Variants in HABP4 observed in about 807,000 individuals in gnomAD.
The protein encoded by HABP4 is hyaluronan binding protein 4, also known as intracellular hyaluronan-binding protein 4.
HABP4 carries 32 observed loss-of-function variants against 44.1 expected under a neutral mutation model. That is an observed-to-expected ratio of 0.73 (90% CI 0.55 to 0.97). The LOEUF (loss-of-function observed/expected upper bound fraction) is 0.97. Ranked by LOEUF, HABP4 falls within the 50% of genes least tolerant of loss-of-function variation. The pLI is 0.00. For missense variants in HABP4, 503 were observed against 561.9 expected, an observed-to-expected ratio of 0.90 and a Z score of 1.06; for synonymous variants, 216 against 218.0, an observed-to-expected ratio of 0.99 and a Z score of 0.08.
chr9:96,462,028 C>G (rs1288420279), intron 2 of HABP4, among the ~76,000 whole-genome samples: 1 of 151,778 alleles, frequency 6.6e-6, no homozygotes, highest in Non-Finnish European at 1.5e-5. Flanking sequence ...CGCCTGTAAT[C>G]CCAGCTACTC....
Position 96,490,885 on chromosome 9 carries a change from A to C in HABP4, c.*847A>C, listed in dbSNP as rs748434815. 2 of 152,218 alleles carry C rather than the reference A, an allele frequency of 1.3e-5. No homozygotes were observed. The highest frequency in any genetic ancestry group is 2.9e-5 in the Non-Finnish European group (2 of 68,036). 9.4% of individuals were successfully genotyped at this position (152,218 alleles called of 1,614,324 possible). On this transcript the variant is annotated 3_prime_UTR_variant, in exon 8 of 8. Coordinates refer to ENST00000375249, the MANE Select transcript of HABP4 (RefSeq NM_014282.4). ...GCCCTCGGCTTGAGCAAAAGTTGTAAATAACTAGTATTTATTAAGCACTTA... is the reference window on the plus strand; with the variant it reads ...GCCCTCGGCTTGAGCAAAAGTTGTACATAACTAGTATTTATTAAGCACTTA...
intron 6 of HABP4, among the ~76,000 whole-genome samples, chr9:96,487,383 A>T (rs1046196560): frequency 3.9e-5 from 6 of 152,156 alleles, no homozygotes; most frequent in Non-Finnish European, 5.9e-5. Flanking sequence ...GATCAGATTT[A>T]ATTAATTTAT....
chr9:96,458,669 G>A (rs1832445320), intron 2 of HABP4, 128 bp downstream of exon 2: 1 of 635,932 alleles, frequency 1.6e-6, no homozygotes, highest in Non-Finnish European at 2.6e-6. Context: ...TGTCGCCCAG[G>A]CTGGAGTGCA....
At chr9:96,467,998 G>T (rs546602637) in intron 4 of HABP4, among the ~76,000 whole-genome samples, 44 of 152,330 alleles carry the variant, frequency 2.9e-4, no homozygotes, top group African/African-American at 1.1e-3. Context: ...TGGCAGGCTG[G>T]CATGTCTCAG....
intron 2 of HABP4, among the ~76,000 whole-genome samples, chr9:96,459,247 A>T (rs1166005298): frequency 1.3e-5 from 2 of 152,186 alleles, no homozygotes; most frequent in African/African-American, 4.8e-5. Context: ...AGACTGCTCA[A>T]TGGATTGAAA....
chr9:96,489,448 A>T (rs187317481), intron 7 of HABP4, among the ~76,000 whole-genome samples: 1 of 149,354 alleles, frequency 6.7e-6, no homozygotes, highest in Admixed American at 6.7e-5. Flanking sequence ...CTGTTTCCCA[A>T]TCCAAGTCCT....
intron 1 of HABP4, among the ~76,000 whole-genome samples, chr9:96,458,038 GT>G (rs1156455532): frequency 6.6e-6 from 1 of 152,132 alleles, no homozygotes; most frequent in Non-Finnish European, 1.5e-5. Context: ...TACACACTGT[GT>G]TTTTGTAAGA....
chr9:96,485,214 G>C (rs1301726071), intron 6 of HABP4, among the ~76,000 whole-genome samples: 1 of 152,156 alleles, frequency 6.6e-6, no homozygotes. Context: ...CACCACCCCG[G>C]CTAATTTTGT....
intron 6 of HABP4, among the ~76,000 whole-genome samples, chr9:96,487,130 G>A (rs1832989202): frequency 6.6e-6 from 1 of 151,968 alleles, no homozygotes; most frequent in South Asian, 2.1e-4. Flanking sequence ...CCTCAAAGGG[G>A]ACACAAATGT....
Position 96,460,446 on chromosome 9 carries a change from A to G in HABP4, c.512+1905A>G, listed in dbSNP as rs564525718. 5.3e-5 allele frequency among the ~76,000 whole-genome samples: 8 copies of G among 152,338 alleles called. No individual in the cohort carries two copies. In the East Asian group the frequency reaches 9.6e-4, roughly 18 times the overall value. The stretch of plus-strand genomic sequence containing the variant: ...TACTTTAAATGCATTTCCTAAAAAC[A>G]TGATACAATTTTCAAAGTCATTAAA... On this transcript the variant is annotated intron_variant, in intron 2 of 7. Coordinates refer to ENST00000375249, the MANE Select transcript of HABP4 (RefSeq NM_014282.4).
intron 5 of HABP4, among the ~76,000 whole-genome samples, chr9:96,475,994 T>C (rs1281253794): frequency 6.6e-6 from 1 of 152,240 alleles, no homozygotes; most frequent in Non-Finnish European, 1.5e-5. Flanking sequence ...CTCTTTCATA[T>C]ATTCAGGTGA....
intron 2 of HABP4, among the ~76,000 whole-genome samples, chr9:96,465,042 C>G (rs1430293887): frequency 6.6e-6 from 1 of 152,178 alleles, no homozygotes; most frequent in Admixed American, 6.5e-5. Flanking sequence ...GCACCTGCTT[C>G]TCCTGGACTG....
At chr9:96,454,810 C>G (rs1473871132) in intron 1 of HABP4, among the ~76,000 whole-genome samples, 1 of 152,128 alleles carries the variant, frequency 6.6e-6, no homozygotes, top group African/African-American at 2.4e-5. Flanking sequence ...TCCTAGGCAA[C>G]CGGGCACAAG....
chr9:96,485,460 G>C (rs1384895940), intron 6 of HABP4, among the ~76,000 whole-genome samples: 3 of 152,212 alleles, frequency 2.0e-5, no homozygotes, highest in East Asian at 3.9e-4. Flanking sequence ...GACGTGGCGG[G>C]AGATGAGTCC....
chr9:96,458,230 A>C, intron 1 of HABP4, 149 bp from the exon 2 acceptor site: 1 of 777,672 alleles, frequency 1.3e-6, no homozygotes, highest in Admixed American at 2.1e-5. Context: ...AGTATCAGCA[A>C]CTTTTTTCTT....
chr9:96,456,612 T>C (rs532381105), intron 1 of HABP4, among the ~76,000 whole-genome samples: 4 of 150,906 alleles, frequency 2.7e-5, no homozygotes, highest in African/African-American at 9.7e-5. Context: ...TACAAAAAAT[T>C]AGCTGGGCGT....
At position 96,450,416 on chromosome 9, in the gene HABP4, A is replaced by AGCGCCG. The variant is rs1279301592; in HGVS notation, c.143_148dup (p.Arg48_Arg49dup). ...CCGTTCGACATCCTGCGCGAGGCCG[A>AGCGCCG]GCGCCGGCGCCAGCAGCAGCTGCAG... is the stretch of plus-strand genomic sequence containing the variant. On this transcript the variant is annotated inframe_insertion, in exon 1 of 8. Coordinates refer to ENST00000375249, the MANE Select transcript of HABP4 (RefSeq NM_014282.4). The surrounding 1 kb of genome is among the most constrained non-coding windows in gnomAD (Gnocchi z 4.8). The AGCGCCG allele has an allele frequency of 3.3e-6, 1 of 298,720 alleles. No homozygotes were observed. The highest frequency in any genetic ancestry group is 1.9e-4 in the East Asian group (1 of 5,154). The allele number at this position is 298,720 out of a possible 1,614,324, so 18.5% of individuals were successfully genotyped here. A position where few individuals can be genotyped will look rare whatever the true frequency, so the allele number is the denominator to read the frequency against.
intron 1 of HABP4, among the ~76,000 whole-genome samples, chr9:96,451,717 A>C (rs568356660): frequency 3.9e-5 from 6 of 152,238 alleles, no homozygotes; most frequent in Non-Finnish European, 7.3e-5. Context: ...TCAAGTCACT[A>C]CAATAAAGAT....
At position 96,490,117 on chromosome 9, in the gene HABP4, G is replaced by A. The variant is rs1173065894; in HGVS notation, c.*79G>A. 1 of 859,614 alleles carries A rather than the reference G, an allele frequency of 1.2e-6. No homozygotes were observed. The highest frequency in any genetic ancestry group is 1.7e-5 in the African/African-American group (1 of 60,304). 53.2% of individuals were successfully genotyped at this position (859,614 alleles called of 1,614,324 possible). On this transcript the variant is annotated 3_prime_UTR_variant, in exon 8 of 8. Coordinates refer to ENST00000375249, the MANE Select transcript of HABP4 (RefSeq NM_014282.4). ...TTTTCCAGCTGGGCCAAGGGAGTCAGACTCTAAGAACAATAGATGTTGCTT... is the reference window on the plus strand; with the variant it reads ...TTTTCCAGCTGGGCCAAGGGAGTCAAACTCTAAGAACAATAGATGTTGCTT...
Sources: gnomAD v4.1 joint callset for allele counts (sites outside exome capture counted in the v4.1 genomes callset) on GRCh38, gnomAD v4.1.1 for gene constraint, Gnocchi (gnomAD v3.1) non-coding constraint, MANE v1.5 for transcripts, NCBI Gene and HGNC (gene_info 2026-07-23, HGNC 2026-07-21) for gene names.